The following CENPQ variants were observed in gnomAD, a reference collection of about 807,000 sequenced individuals.
The protein encoded by CENPQ is chromosome 6 open reading frame 139.
CENPQ carries 27 observed loss-of-function variants against 36.6 expected under a neutral mutation model. That is an observed-to-expected ratio of 0.74 (90% confidence interval 0.54 to 1.02). CENPQ has a LOEUF of 1.02. Among genes scored for constraint, CENPQ ranks in the 50% least tolerant of loss-of-function variants. The pLI, the probability that CENPQ is intolerant of heterozygous loss-of-function variation, is 0.00. For missense variants in CENPQ, 306 were observed against 301.8 expected (o/e 1.01, Z -0.10); for synonymous variants, 101 against 101.7 (o/e 0.99, Z 0.04).
At chr6:49,483,597 G>C (rs978965175) in intron 6 of CENPQ, among the ~76,000 whole-genome samples, 1 of 152,212 alleles carries the variant, frequency 6.6e-6, no homozygotes, top group Non-Finnish European at 1.5e-5. Flanking sequence ...GAGAAATCGA[G>C]CAGTGCCGGT....
At chr6:49,486,994 GA>G (rs1020777655) in intron 6 of CENPQ, among the ~76,000 whole-genome samples, 1 of 148,026 alleles carries the variant, frequency 6.8e-6, no homozygotes, top group Non-Finnish European at 1.5e-5. Context: ...TTACAATACA[GA>G]AAAAAAAATT....
At chr6:49,472,604 T>G (rs753305463) in intron 4 of CENPQ, among the ~76,000 whole-genome samples, 186 bp from the exon 5 acceptor site, 1 of 151,948 alleles carries the variant, frequency 6.6e-6, no homozygotes, top group Non-Finnish European at 1.5e-5. Context: ...TGTGGCAAAA[T>G]ATATATATAA....
At chr6:49,468,491 G>T (rs987914876) in intron 1 of CENPQ, among the ~76,000 whole-genome samples, 1 of 152,004 alleles carries the variant, frequency 6.6e-6, no homozygotes, top group Non-Finnish European at 1.5e-5. Context: ...CTACTTGGAA[G>T]GCTGAGGCAG....
At chr6:49,483,419 C>T (rs899689940) in intron 6 of CENPQ, among the ~76,000 whole-genome samples, 4 of 152,102 alleles carry the variant, frequency 2.6e-5, no homozygotes, top group Non-Finnish European at 5.9e-5. Flanking sequence ...GCTGTGCGCC[C>T]GCACTCCTCA....
At chr6:49,482,387 A>G (rs1768457490) in intron 6 of CENPQ, among the ~76,000 whole-genome samples, 1 of 152,108 alleles carries the variant, frequency 6.6e-6, no homozygotes, top group African/African-American at 2.4e-5. Flanking sequence ...TCACCTCTCA[A>G]TCCCCCCTCT....
chr6:49,489,028 A>C (rs566929404), intron 8 of CENPQ, among the ~76,000 whole-genome samples: 1 of 152,348 alleles, frequency 6.6e-6, no homozygotes, highest in East Asian at 1.9e-4. Flanking sequence ...CGTGGTGATT[A>C]CTGAAGGTTG....
chr6:49,473,178 A>C (rs1394267062), intron 5 of CENPQ, among the ~76,000 whole-genome samples: 1 of 152,212 alleles, frequency 6.6e-6, no homozygotes, highest in African/African-American at 2.4e-5. Flanking sequence ...TGAAGTTAAT[A>C]GTTCACAACT....
At position 49,470,990 on chromosome 6, in the gene CENPQ, A is replaced by G; in HGVS notation, c.119A>G (p.Lys40Arg). The G allele has an allele frequency of 6.5e-7, 1 of 1,532,960 alleles. No individual in the cohort carries two copies. Among genetic ancestry groups the G allele is most frequent in the Non-Finnish European group, 8.8e-7 (1 of 1,134,786 alleles). The allele number at this position is 1,532,960 out of a possible 1,614,324, so 95.0% of individuals were successfully genotyped here. A position where few individuals can be genotyped will look rare whatever the true frequency, so the allele number is the denominator to read the frequency against. ...TCCCTCTAGGTTAGAAACACAGTGA[A>G]AAAAAATAAAAATCATCTGAAAGAT... ...LSENKVRNTV[K>R]KNKNHLKDLS... is the part of the protein sequence containing the mutation. The change falls in exon 3 of 9, where the codon AAA becomes AGA. Residue 40 changes from lysine to arginine, a missense_variant. By Grantham distance (26) the Lys-to-Arg change is conservative (BLOSUM62 2). Coordinates refer to ENST00000335783, the MANE Select transcript of CENPQ (RefSeq NM_018132.4).
intron 3 of CENPQ, among the ~76,000 whole-genome samples, chr6:49,471,657 C>A (rs144497415): frequency 2.5e-4 from 38 of 152,200 alleles, no homozygotes; most frequent in Admixed American, 2.0e-3. Flanking sequence ...ACAGTACCAA[C>A]AGCATAGTTG....
In CENPQ at chr6:49,471,046, C is replaced by T; in HGVS notation, c.157+18C>T. ...TTCTGAAGGTATTTCTTTTCTATTACCTTGTTTAACCTGCTTCTATATCAA... is the reference window on the plus strand; with the variant it reads ...TTCTGAAGGTATTTCTTTTCTATTATCTTGTTTAACCTGCTTCTATATCAA... On this transcript the variant is annotated intron_variant, in intron 3 of 8. Coordinates refer to ENST00000335783, the MANE Select transcript of CENPQ (RefSeq NM_018132.4). The T allele has an allele frequency of 7.2e-7, 1 of 1,397,982 alleles. No homozygotes were observed. Among genetic ancestry groups the T allele is most frequent in the African/African-American group, 1.5e-5 (1 of 68,902 alleles). 86.6% of individuals were successfully genotyped at this position (1,397,982 alleles called of 1,614,324 possible). A position where few individuals can be genotyped will look rare whatever the true frequency, so the allele number is the denominator to read the frequency against.
intron 6 of CENPQ, among the ~76,000 whole-genome samples, chr6:49,486,629 A>G (rs923342878): frequency 6.6e-6 from 1 of 152,086 alleles, no homozygotes; most frequent in Non-Finnish European, 1.5e-5. Context: ...TAAAAAAAAA[A>G]CTCCAATTTA....
At position 49,492,302 on chromosome 6, in the gene CENPQ, A is replaced by G. The variant is rs745976688; in HGVS notation, c.*27A>G. On this transcript the variant is annotated 3_prime_UTR_variant, in exon 9 of 9. Transcript: ENST00000335783. Reference sequence around the variant, plus strand: ...GAGTGTTTTTTTTTTAGATTGTTCCATATTAATTTAATGTTCGTGAATTTG... The same window carrying G: ...GAGTGTTTTTTTTTTAGATTGTTCCGTATTAATTTAATGTTCGTGAATTTG... 5.2e-6 allele frequency: 8 copies of G among 1,546,622 alleles called. No individual in the cohort carries two copies. In the South Asian group the frequency reaches 8.6e-5, roughly 17 times the overall value.
intron 1 of CENPQ, among the ~76,000 whole-genome samples, chr6:49,469,864 T>C (rs1179526483): frequency 6.6e-6 from 1 of 152,156 alleles, no homozygotes; most frequent in Non-Finnish European, 1.5e-5. Context: ...AAATAAGAGA[T>C]ACAAAAGCAT....
At chr6:49,485,691 G>A (rs527248407) in intron 6 of CENPQ, among the ~76,000 whole-genome samples, 1 of 151,924 alleles carries the variant, frequency 6.6e-6, no homozygotes, top group South Asian at 2.1e-4. Flanking sequence ...CAGATATGTA[G>A]ACTAAATTAG....
At chr6:49,488,583 A>G (rs771803855) in intron 7 of CENPQ, 24 bp from the exon 8 acceptor site, 1 of 1,606,038 alleles carries the variant, frequency 6.2e-7, no homozygotes, top group South Asian at 1.1e-5. Context: ...TTTTGAAATA[A>G]TCTGTAGCTT....
intron 4 of CENPQ, 79 bp downstream of exon 4, chr6:49,472,262 G>C: frequency 8.6e-7 from 1 of 1,166,612 alleles, no homozygotes; most frequent in Non-Finnish European, 1.2e-6. Flanking sequence ...TTTAAATATT[G>C]CTATCTATTT....
In CENPQ at chr6:49,471,193, C is replaced by T. The variant is rs58072335; in HGVS notation, c.157+165C>T. On this transcript the variant is annotated intron_variant, in intron 3 of 8. Coordinates refer to ENST00000335783, the MANE Select transcript of CENPQ (RefSeq NM_018132.4). Reference sequence around the variant, plus strand: ...TGTAGTAGTGGTTAGTTATTTTGGTCAACTGAAATTTTACTTAGCACCTCT... The same window carrying T: ...TGTAGTAGTGGTTAGTTATTTTGGTTAACTGAAATTTTACTTAGCACCTCT... 7.7e-3 allele frequency among the ~76,000 whole-genome samples: 1,179 copies of T among 152,218 alleles called. 22 individuals are homozygous for T. Among genetic ancestry groups the T allele is most frequent in the Middle Eastern group, 0.044 (13 of 294 alleles).
rs148005406 is a variant in CENPQ at position 49,485,802 on chromosome 6, G to T, written c.478-2550G>T. On this transcript the variant is annotated intron_variant, in intron 6 of 8. Coordinates refer to ENST00000335783, the MANE Select transcript of CENPQ (RefSeq NM_018132.4). ...TAAAAACATTTTTAAAAGGAATTGA[G>T]AAAAAAAAAACCTCAAAGAAGATAC... 2.1e-5 allele frequency among the ~76,000 whole-genome samples: 3 copies of T among 144,314 alleles called. No homozygotes were observed. The South Asian group carries it at 6.6e-4, about 32-fold the overall frequency. 94.7% of individuals were successfully genotyped at this position (144,314 alleles called of 152,430 possible). A position where few individuals can be genotyped will look rare whatever the true frequency, so the allele number is the denominator to read the frequency against.
In CENPQ at chr6:49,492,432, G is replaced by A. The variant is rs549568758; in HGVS notation, c.*157G>A. 64 of 642,900 alleles carry A rather than the reference G, an allele frequency of 1.0e-4. No homozygotes were observed. Among genetic ancestry groups the A allele is most frequent in the Non-Finnish European group, 1.5e-4 (61 of 405,784 alleles). 39.8% of individuals were successfully genotyped at this position (642,900 alleles called of 1,614,324 possible). On this transcript the variant is annotated 3_prime_UTR_variant, in exon 9 of 9. Transcript: ENST00000335783. The stretch of plus-strand genomic sequence containing the variant: ...ATTAGTCTTTGTAGTTCTATCATTA[G>A]CATCTAATGTAGTTCTGAAGACTGT...
Sources: gnomAD v4.1 joint callset for allele counts (sites outside exome capture counted in the v4.1 genomes callset) on GRCh38, gnomAD v4.1.1 for gene constraint, MANE v1.5 for transcripts, NCBI Gene and HGNC (gene_info 2026-07-23, HGNC 2026-07-21) for gene names.